The following LOC400499 variants were observed in gnomAD, a reference collection of about 807,000 sequenced individuals.
At chr16:11,495,144 G>A in the LOC400499 span, among the ~76,000 whole-genome samples, 3 of 151,876 alleles carry the variant, frequency 2.0e-5, no homozygotes, top group Admixed American at 1.3e-4. Context: ...GGGAAGCAGA[G>A]GCTGCAGTGA....
the LOC400499 span, among the ~76,000 whole-genome samples, chr16:11,480,398 G>C: frequency 2.6e-5 from 4 of 152,286 alleles, no homozygotes. Flanking sequence ...GTTCACCCTT[G>C]GTGGTTAGGA....
At chr16:11,516,829 T>C in the LOC400499 span, among the ~76,000 whole-genome samples, 1 of 152,120 alleles carries the variant, frequency 6.6e-6, no homozygotes, top group African/African-American at 2.4e-5. Context: ...AAACCTTTTG[T>C]AGAGATAGAT....
At chr16:11,413,528 G>A in the LOC400499 span, among the ~76,000 whole-genome samples, 67 of 152,300 alleles carry the variant, frequency 4.4e-4, no homozygotes, top group African/African-American at 1.6e-3. Context: ...AGTGACAGTG[G>A]TCAGGGCATG....
At chr16:11,449,225 A>G in the LOC400499 span, 3 of 913,280 alleles carry the variant, frequency 3.3e-6, no homozygotes, top group African/African-American at 3.3e-5. Flanking sequence ...AAACCCCTTC[A>G]ATGCCATTTC....
the LOC400499 span, among the ~76,000 whole-genome samples, chr16:11,504,255 G>C: frequency 6.6e-6 from 1 of 152,162 alleles, no homozygotes; most frequent in African/African-American, 2.4e-5. Context: ...CAAGGCTCCT[G>C]CCTAGAAATC....
At chr16:11,457,237 G>C in the LOC400499 span, 2 of 553,844 alleles carry the variant, frequency 3.6e-6, no homozygotes, top group Non-Finnish European at 6.3e-6. Context: ...ATTCTCATAC[G>C]CTGATGGTGG....
the LOC400499 span, among the ~76,000 whole-genome samples, chr16:11,389,027 C>T: frequency 6.6e-6 from 1 of 152,200 alleles, no homozygotes; most frequent in Non-Finnish European, 1.5e-5. Context: ...GCAGAGGTTG[C>T]AGTGAGCTGA....
chr16:11,448,736 G>A, the LOC400499 span, among the ~76,000 whole-genome samples: 98 of 151,780 alleles, frequency 6.5e-4, no homozygotes, highest in African/African-American at 2.2e-3. Context: ...AAATATATAA[G>A]AAAAGAAGGA....
chr16:11,384,257 A>G, the LOC400499 span: 1 of 1,232,318 alleles, frequency 8.1e-7, no homozygotes, highest in East Asian at 3.2e-5. Flanking sequence ...CGGGCCATAG[A>G]GCCATCCGGC....
At chr16:11,397,314 G>C in the LOC400499 span, among the ~76,000 whole-genome samples, 459 of 152,222 alleles carry the variant, frequency 3.0e-3, 3 homozygotes, top group African/African-American at 0.011. Flanking sequence ...ATGCTCTGTC[G>C]CCAGGCTGGA....
chr16:11,476,050 T>C, the LOC400499 span, among the ~76,000 whole-genome samples: 1 of 151,774 alleles, frequency 6.6e-6, no homozygotes, highest in Non-Finnish European at 1.5e-5. Context: ...GAGAAGGAGC[T>C]ATTGTTCCAG....
the LOC400499 span, among the ~76,000 whole-genome samples, chr16:11,431,491 C>T: frequency 1.3e-5 from 2 of 152,120 alleles, no homozygotes; most frequent in Non-Finnish European, 2.9e-5. Flanking sequence ...CTGCAACCTC[C>T]GCCTCCTGGG....
the LOC400499 span, chr16:11,450,887 A>G: frequency 2.2e-6 from 3 of 1,364,858 alleles, no homozygotes; most frequent in Non-Finnish European, 3.0e-6. Context: ...AGGCAGCTGG[A>G]GGTCCCGAGA....
the LOC400499 span, among the ~76,000 whole-genome samples, chr16:11,526,653 T>A: frequency 6.6e-6 from 1 of 152,238 alleles, no homozygotes; most frequent in Non-Finnish European, 1.5e-5. Context: ...AAAATGTTAT[T>A]AATTTCACCT....
chr16:11,488,189 C>G, the LOC400499 span, among the ~76,000 whole-genome samples: 2,629 of 151,764 alleles, frequency 0.017, 70 homozygotes, highest in African/African-American at 0.061. Context: ...ACTACCTTCT[C>G]TTTACAGAGA....
the LOC400499 span, among the ~76,000 whole-genome samples, chr16:11,511,672 G>C: frequency 1.3e-5 from 2 of 152,156 alleles, no homozygotes; most frequent in Admixed American, 6.5e-5. Flanking sequence ...TGGCTGCCAG[G>C]GTCTGGGAAG....
At chr16:11,407,593 T>C in the LOC400499 span, among the ~76,000 whole-genome samples, 6 of 152,178 alleles carry the variant, frequency 3.9e-5, no homozygotes, top group Non-Finnish European at 7.3e-5. Flanking sequence ...GACTTGAAAA[T>C]ATCTACCAGC....
At chr16:11,398,616 G>A in the LOC400499 span, 6 of 869,572 alleles carry the variant, frequency 6.9e-6, no homozygotes, top group Middle Eastern at 3.8e-4. Flanking sequence ...CCAGGAATGT[G>A]CCGTCAGAGC....
the LOC400499 span, among the ~76,000 whole-genome samples, chr16:11,401,091 T>C: frequency 4.6e-5 from 7 of 152,230 alleles, no homozygotes; most frequent in Non-Finnish European, 5.9e-5. Context: ...AAAGGAATGA[T>C]TGAATGAAGG....
Sources: allele counts gnomAD v4.1 joint callset (sites outside exome capture counted in the v4.1 genomes callset), GRCh38; gene constraint gnomAD v4.1.1; transcripts MANE v1.5.